COX10: variants seen among roughly 807,000 people sequenced by gnomAD.
The protein encoded by COX10 is cytochrome c oxidase assembly factor heme A:farnesyltransferase COX10, also known as protoheme IX farnesyltransferase, mitochondrial.
Under a neutral mutation model 37.3 loss-of-function variants are expected in COX10, and 27 were observed. The ratio of observed to expected loss-of-function variants is 0.72; its 90% confidence interval spans 0.53 to 1.00. The LOEUF is 1.00. Ranked by LOEUF, COX10 falls within the 50% of genes least tolerant of loss-of-function variation. The pLI is 0.00. For missense variants in COX10, 475 were observed against 563.2 expected (o/e 0.84, Z 1.59); for synonymous variants, 222 against 229.1 (o/e 0.97, Z 0.28).
intron 6 of COX10, among the ~76,000 whole-genome samples, chr17:14,204,055 G>A (rs1906624132): frequency 6.6e-6 from 1 of 152,046 alleles, no homozygotes; most frequent in Non-Finnish European, 1.5e-5. Flanking sequence ...GTGATCTTGG[G>A]GATAACTTAA....
intron 3 of COX10, among the ~76,000 whole-genome samples, chr17:14,094,175 T>C (rs565287046): frequency 8.5e-5 from 13 of 152,282 alleles, no homozygotes; most frequent in African/African-American, 3.1e-4. Context: ...AATCAGACAT[T>C]AGTACCTACA....
intron 5 of COX10, among the ~76,000 whole-genome samples, chr17:14,180,904 C>T (rs2530378): frequency 1.3e-5 from 2 of 152,148 alleles, no homozygotes; most frequent in South Asian, 4.1e-4. Flanking sequence ...GTAAAGGTTC[C>T]TTTGGGCACC....
chr17:14,172,557 A>G (rs906998680), intron 5 of COX10, among the ~76,000 whole-genome samples: 4 of 140,138 alleles, frequency 2.9e-5, no homozygotes, highest in African/African-American at 1.1e-4. Flanking sequence ...GGCTATTCGT[A>G]TGTCTTCTTT....
chr17:14,202,558 G>A (rs538449525), intron 6 of COX10, among the ~76,000 whole-genome samples: 143 of 152,116 alleles, frequency 9.4e-4, no homozygotes, highest in Non-Finnish European at 1.7e-3. Context: ...GTAAGGATTC[G>A]AAAGCATATG....
At chr17:14,080,228 T>C in intron 3 of COX10, among the ~76,000 whole-genome samples, 1 of 146,516 alleles carries the variant, frequency 6.8e-6, no homozygotes, top group Admixed American at 6.8e-5. Context: ...TCTTTTTTTT[T>C]TTTTTTTTTT....
chr17:14,088,997 G>A (rs1915471262), intron 3 of COX10, among the ~76,000 whole-genome samples: 1 of 152,132 alleles, frequency 6.6e-6, no homozygotes, highest in Admixed American at 6.6e-5. Flanking sequence ...TGTCTCATTG[G>A]CCAGGAGTGT....
At chr17:14,172,579 T>C (rs1296071502) in intron 5 of COX10, among the ~76,000 whole-genome samples, 350 of 25,352 alleles carry the variant, frequency 0.014, 17 homozygotes, top group East Asian at 0.025. Context: ...TTTCTTTTTC[T>C]TTTTTTTTTT....
chr17:14,183,737 C>T (rs1324142234), intron 5 of COX10, among the ~76,000 whole-genome samples: 2 of 152,308 alleles, frequency 1.3e-5, no homozygotes, highest in East Asian at 1.9e-4. Flanking sequence ...GTTTATCAGC[C>T]CCTCCCTCCA....
At chr17:14,186,435 A>C (rs867266906) in intron 5 of COX10, among the ~76,000 whole-genome samples, 8 of 151,448 alleles carry the variant, frequency 5.3e-5, no homozygotes, top group Non-Finnish European at 1.0e-4. Flanking sequence ...CCCATCTCCC[A>C]CCCATCCATC....
chr17:14,126,863 G>A (rs1916352570), intron 4 of COX10, among the ~76,000 whole-genome samples: 1 of 151,560 alleles, frequency 6.6e-6, no homozygotes, highest in South Asian at 2.1e-4. Flanking sequence ...AAATTTATGG[G>A]GAAATATTTA....
At chr17:14,137,956 T>TA (rs1567599623) in intron 4 of COX10, among the ~76,000 whole-genome samples, 3 of 151,180 alleles carry the variant, frequency 2.0e-5, no homozygotes, top group African/African-American at 7.3e-5. Context: ...TTCAGTTTTT[T>TA]TTTTTTTTTT....
At chr17:14,080,999 G>A (rs1336842578) in intron 3 of COX10, among the ~76,000 whole-genome samples, 1 of 152,112 alleles carries the variant, frequency 6.6e-6, no homozygotes, top group Non-Finnish European at 1.5e-5. Flanking sequence ...TTATATTTCA[G>A]TGGAAGGAAT....
At chr17:14,164,852 A>G (rs1308855972) in intron 5 of COX10, among the ~76,000 whole-genome samples, 1 of 152,198 alleles carries the variant, frequency 6.6e-6, no homozygotes, top group South Asian at 2.1e-4. Context: ...TGTCATTGTT[A>G]TGTGTATATC....
intron 3 of COX10, among the ~76,000 whole-genome samples, chr17:14,079,833 A>G (rs1392794828): frequency 2.2e-5 from 3 of 133,820 alleles, no homozygotes. Flanking sequence ...CAAAAGAAAT[A>G]GGATCATTTT....
chr17:14,181,939 C>G (rs1028967904), intron 5 of COX10: 9 of 960,022 alleles, frequency 9.4e-6, no homozygotes, highest in Admixed American at 6.2e-5. Flanking sequence ...CACGTACTCC[C>G]CTCTGAATAA....
intron 4 of COX10, among the ~76,000 whole-genome samples, chr17:14,149,399 C>T (rs770045752): frequency 1.9e-4 from 29 of 152,100 alleles, no homozygotes; most frequent in Non-Finnish European, 3.4e-4. Flanking sequence ...TTAACTGCAC[C>T]TGTCTACTGA....
chr17:14,107,423 A>C (rs548109097), intron 4 of COX10, among the ~76,000 whole-genome samples: 47 of 151,566 alleles, frequency 3.1e-4, no homozygotes, highest in Admixed American at 1.0e-3. Flanking sequence ...AAGTAATTGT[A>C]TGGTCTTGCT....
At chr17:14,117,600 CA>C (rs1458942668) in intron 4 of COX10, among the ~76,000 whole-genome samples, 1 of 152,184 alleles carries the variant, frequency 6.6e-6, no homozygotes, top group Non-Finnish European at 1.5e-5. Flanking sequence ...ACCTGCTGCT[CA>C]AACCCGGAGG....
intron 5 of COX10, among the ~76,000 whole-genome samples, chr17:14,176,192 A>G (rs1381600987): frequency 6.6e-6 from 1 of 151,486 alleles, no homozygotes; most frequent in African/African-American, 2.4e-5. Context: ...ACCATTGCCT[A>G]CTCTTCTCTG....
Sources: allele counts gnomAD v4.1 joint callset (sites outside exome capture counted in the v4.1 genomes callset), GRCh38; gene constraint gnomAD v4.1.1; transcripts MANE v1.5; gene names NCBI Gene and HGNC (gene_info 2026-07-23, HGNC 2026-07-21).